Variants in CDH18 observed in about 807,000 individuals in gnomAD.
CDH18 encodes cadherin 18.
Under a neutral mutation model 67.9 loss-of-function variants are expected in CDH18, and 31 were observed. That is an observed-to-expected ratio of 0.46 (90% confidence interval 0.34 to 0.62). The LOEUF (loss-of-function observed/expected upper bound fraction) is 0.62. Among genes scored for constraint, CDH18 ranks in the 20% least tolerant of loss-of-function variants. The pLI, the probability that CDH18 is intolerant of heterozygous loss-of-function variation, is 0.01. For missense variants in CDH18, 890 were observed against 975.5 expected (o/e 0.91, Z 1.17); for synonymous variants, 362 against 347.2 (o/e 1.04, Z -0.48).
intron 3 of CDH18, among the ~76,000 whole-genome samples, chr5:19,788,090 G>A (rs1776003379): frequency 1.3e-5 from 2 of 151,972 alleles, no homozygotes; most frequent in Admixed American, 6.6e-5. Flanking sequence ...TGTTGCATGT[G>A]TTTGCCATTT....
chr5:20,103,695 T>C (rs1371404471), intron 2 of CDH18, among the ~76,000 whole-genome samples: 1 of 150,486 alleles, frequency 6.6e-6, no homozygotes, highest in East Asian at 1.9e-4. Flanking sequence ...ATTGTGCCAC[T>C]GCACTCCAAC....
chr5:19,499,493 CTA>C lies in CDH18; in HGVS notation c.1630+3497_1630+3498del, dbSNP rs1742879761. Among the ~76,000 whole-genome samples the C allele has an allele frequency of 6.6e-5, 10 of 152,016 alleles. No individual in the cohort carries two copies. In the South Asian group the frequency reaches 1.7e-3, roughly 25 times the overall value. Reference sequence around the variant, plus strand: ...TATATCATTAAATTTCTACATATCTCTATGTGGATCTATATAGTTCTCTATAT... The same window carrying C: ...TATATCATTAAATTTCTACATATCTCTGTGGATCTATATAGTTCTCTATAT... On this transcript the variant is annotated intron_variant, in intron 11 of 12. Transcript: ENST00000382275.
chr5:20,219,517 C>CA (rs60170962), intron 2 of CDH18, among the ~76,000 whole-genome samples: 10,311 of 138,834 alleles, frequency 0.074, 881 homozygotes, highest in African/African-American at 0.21. Context: ...AAAGACATGT[C>CA]AAAAAAAAAA....
At position 19,613,369 on chromosome 5, in the gene CDH18, T is replaced by C. The variant is rs114038253; in HGVS notation, c.644-768A>G. ...AATGATGGAAAACATTTGAGGAGTT[T>C]GGACACTTAAACAGAGATTATAGGC... is the stretch of plus-strand genomic sequence containing the variant. On this transcript the variant is annotated intron_variant, in intron 5 of 12. Transcript: ENST00000382275. Among the ~76,000 whole-genome samples the C allele has an allele frequency of 9.6e-3, 1,457 of 152,280 alleles. 24 individuals carry two copies. The highest frequency in any genetic ancestry group is 0.033 in the African/African-American group (1,387 of 41,550).
At chr5:20,041,147 C>T (rs1170527305) in intron 2 of CDH18, among the ~76,000 whole-genome samples, 1 of 152,138 alleles carries the variant, frequency 6.6e-6, no homozygotes, top group Admixed American at 6.5e-5. Context: ...CGGGGCCTTC[C>T]TCTTTACTGT....
chr5:19,671,693 G>A (rs1483057768), intron 5 of CDH18, among the ~76,000 whole-genome samples: 1 of 152,020 alleles, frequency 6.6e-6, no homozygotes, highest in African/African-American at 2.4e-5. Context: ...GGATATGATG[G>A]ATAAACTGGA....
intron 3 of CDH18, among the ~76,000 whole-genome samples, chr5:19,808,749 T>C (rs1392516529): frequency 6.8e-6 from 1 of 146,176 alleles, no homozygotes; most frequent in Non-Finnish European, 1.5e-5. Flanking sequence ...AAGAATTGCT[T>C]GAACCCGGGA....
At chr5:19,483,047 T>C (rs1286347239) in intron 12 of CDH18, among the ~76,000 whole-genome samples, 1 of 152,190 alleles carries the variant, frequency 6.6e-6, no homozygotes, top group Non-Finnish European at 1.5e-5. Flanking sequence ...TTAATATTAA[T>C]TCTTTCCAAA....
At chr5:20,267,374 C>A (rs897930740) in intron 1 of CDH18, among the ~76,000 whole-genome samples, 1 of 152,146 alleles carries the variant, frequency 6.6e-6, no homozygotes, top group East Asian at 1.9e-4. Flanking sequence ...TGTGATGCCT[C>A]CAGCTTTGTT....
intron 5 of CDH18, among the ~76,000 whole-genome samples, chr5:19,717,440 G>A (rs1765477353): frequency 6.6e-6 from 1 of 151,948 alleles, no homozygotes; most frequent in African/African-American, 2.4e-5. Flanking sequence ...TAAGGCCCTG[G>A]AATGATACCT....
At chr5:19,628,492 G>A (rs939610003) in intron 5 of CDH18, among the ~76,000 whole-genome samples, 18 of 152,170 alleles carry the variant, frequency 1.2e-4, no homozygotes, top group African/African-American at 4.3e-4. Context: ...AAATAGAAGT[G>A]AGGAGATGTG....
chr5:19,533,801 G>A (rs947509948), intron 9 of CDH18, among the ~76,000 whole-genome samples: 17 of 152,044 alleles, frequency 1.1e-4, no homozygotes, highest in African/African-American at 3.6e-4. Context: ...AGGATGGCAC[G>A]GGAATATGGA....
At chr5:19,708,684 T>C (rs1764277326) in intron 5 of CDH18, among the ~76,000 whole-genome samples, 1 of 152,186 alleles carries the variant, frequency 6.6e-6, no homozygotes, top group Admixed American at 6.6e-5. Context: ...ATCTGTGCCT[T>C]AAGAACATGT....
chr5:19,906,804 GATA>G (rs1362898215), intron 2 of CDH18, among the ~76,000 whole-genome samples: 1 of 151,922 alleles, frequency 6.6e-6, no homozygotes, highest in African/African-American at 2.4e-5. Flanking sequence ...ATTGGGCCAT[GATA>G]ATAATAAATA....
chr5:20,127,103 G>T (rs1481855831), intron 2 of CDH18, among the ~76,000 whole-genome samples: 1 of 152,154 alleles, frequency 6.6e-6, no homozygotes, highest in East Asian at 1.9e-4. Context: ...GACCTGACAG[G>T]AGTTGATTAA....
intron 1 of CDH18, among the ~76,000 whole-genome samples, chr5:20,520,860 C>A (rs1191737836): frequency 2.6e-5 from 4 of 152,126 alleles, no homozygotes; most frequent in Non-Finnish European, 4.4e-5. Flanking sequence ...ATATAAGAAT[C>A]ATCAACATGT....
At chr5:19,591,743 T>C (rs1248459279) in intron 6 of CDH18, among the ~76,000 whole-genome samples, 1 of 152,086 alleles carries the variant, frequency 6.6e-6, no homozygotes, top group East Asian at 1.9e-4. Flanking sequence ...TAGTGAGATA[T>C]ACAGTCATGT....
At chr5:19,617,587 T>C (rs1039281351) in intron 5 of CDH18, among the ~76,000 whole-genome samples, 28 of 152,222 alleles carry the variant, frequency 1.8e-4, no homozygotes, top group Admixed American at 3.9e-4. Flanking sequence ...ATATTCTAAA[T>C]GTTTGTTGGA....
At chr5:19,674,653 T>C (rs1488251535) in intron 5 of CDH18, among the ~76,000 whole-genome samples, 2 of 152,178 alleles carry the variant, frequency 1.3e-5, no homozygotes, top group Non-Finnish European at 2.9e-5. Flanking sequence ...GCATTAAATA[T>C]AGTTAAATAT....
Sources: gnomAD v4.1 joint callset for allele counts (sites outside exome capture counted in the v4.1 genomes callset) on GRCh38, gnomAD v4.1.1 for gene constraint, MANE v1.5 for transcripts, NCBI Gene and HGNC (gene_info 2026-07-23, HGNC 2026-07-21) for gene names.